MYO7A: variants seen among roughly 807,000 people sequenced by gnomAD.
The protein encoded by MYO7A is unconventional myosin-VIIa.
MYO7A carries 210 observed loss-of-function variants against 263.8 expected under a neutral mutation model. The observed-to-expected ratio is 0.80, with a 90% CI of 0.71 to 0.89. The LOEUF is 0.89. Ranked by LOEUF, MYO7A falls within the 40% of genes least tolerant of loss-of-function variation. MYO7A has a pLI of 0.00. For missense variants in MYO7A, 2,820 were observed against 2,968.3 expected (o/e 0.95, Z 1.16); for synonymous variants, 1,239 against 1,197.3 (o/e 1.03, Z -0.72).
chr11:77,181,291 C>A, intron 22 of MYO7A, 89 bp from the exon 23 acceptor site: 1 of 1,242,578 alleles, frequency 8.0e-7, no homozygotes. Context: ...GCCCTGGCTG[C>A]TGCAGGGGCT....
At chr11:77,151,805 G>A (rs1555057321) in intron 4 of MYO7A, among the ~76,000 whole-genome samples, 1 of 152,234 alleles carries the variant, frequency 6.6e-6, no homozygotes, top group East Asian at 1.9e-4. Context: ...GGGCCTCATT[G>A]CCAGTGGTGG....
rs1565442820 is a variant in MYO7A, at chr11:77,192,980, G to GGTGT, written c.4152+702_4152+703insGTGT. On this transcript the variant is annotated intron_variant, in intron 31 of 48. Coordinates refer to ENST00000409709, the MANE Select transcript of MYO7A (RefSeq NM_000260.4). Reference sequence around the variant, plus strand: ...GGTGTTGGTGATGGTGGAGGTAGTTGTGATGGTGGAGGTAGTGATGCTGTT... The same window carrying GGTGT: ...GGTGTTGGTGATGGTGGAGGTAGTTGGTGTTGATGGTGGAGGTAGTGATGCTGTT... Among the ~76,000 whole-genome samples the GGTGT allele has an allele frequency of 1.3e-4, 4 of 31,034 alleles. 1 individual carries two copies. Among genetic ancestry groups the GGTGT allele is most frequent in the Admixed American group, 1.0e-3 (3 of 2,890 alleles). The allele number at this position is 31,034 out of a possible 152,430, so 20.4% of individuals were successfully genotyped here. A position where few individuals can be genotyped will look rare whatever the true frequency, so the allele number is the denominator to read the frequency against.
At chr11:77,157,611 G>T (rs555175278) in intron 8 of MYO7A, among the ~76,000 whole-genome samples, 11 of 152,286 alleles carry the variant, frequency 7.2e-5, no homozygotes, top group African/African-American at 2.6e-4. Context: ...AGGCTGGCTT[G>T]GGAAGCACCA....
At chr11:77,172,704 G>A (rs1954216090) in intron 15 of MYO7A, 44 bp from the exon 16 acceptor site, 1 of 1,545,628 alleles carries the variant, frequency 6.5e-7, no homozygotes, top group Non-Finnish European at 8.7e-7. Flanking sequence ...GACACTGGAT[G>A]GGGCAGGCAC....
chr11:77,173,489 C>G (rs1333074291), intron 16 of MYO7A, among the ~76,000 whole-genome samples: 1 of 152,206 alleles, frequency 6.6e-6, no homozygotes, highest in African/African-American at 2.4e-5. Flanking sequence ...TCAAACAGCC[C>G]GTGAGAAAGG....
chr11:77,155,972 G>T lies in MYO7A; in HGVS notation c.351G>T (p.Glu117Asp), dbSNP rs886048671. The change falls in exon 5 of 49, where the codon GAG becomes GAT. Residue 117 changes from glutamate (E) to aspartate (D), a missense_variant. Coordinates refer to ENST00000409709, the MANE Select transcript of MYO7A (RefSeq NM_000260.4). ...PYQLLSIYSP[E>D]HIRQYTNKKI... ...AGCTGCTCTCCATCTACTCGCCAGA[G>T]CACATCCGCCAGTATACCAACAAGA... 3.7e-6 allele frequency: 6 copies of T among 1,613,112 alleles called. No homozygotes were observed. In the African/African-American group the frequency reaches 8.0e-5, roughly 22 times the overall value.
In MYO7A at chr11:77,157,000, G is replaced by T; in HGVS notation, c.731G>T (p.Arg244Leu). The change falls in exon 7 of 49, where the codon CGC becomes CTC. Residue 244 changes from arginine to leucine, a missense_variant. Arg to Leu is a moderately radical substitution (Grantham distance 102). Coordinates refer to ENST00000409709, the MANE Select transcript of MYO7A (RefSeq NM_000260.4). ...CTGCTGGAAAAGTCACGTGTCTGTC[G>T]CCAGGTGGGCCTGAGCCCCAGGGAT... The part of the protein sequence containing the change: ...QYLLEKSRVC[R>L]QALDERNYHV... 6.2e-7 allele frequency: 1 copy of T among 1,612,404 alleles called. No homozygotes were observed.
rs1201232357 is a variant in MYO7A, at chr11:77,190,885, A to T, written c.3924+15A>T. ...TGTTTGACAAGGTATGGCCGCCCGG[A>T]AGCACCTCCTCCCGGAAGCACCTCC... On this transcript the variant is annotated intron_variant, in intron 30 of 48. Coordinates refer to ENST00000409709, the MANE Select transcript of MYO7A (RefSeq NM_000260.4). The T allele has an allele frequency of 2.6e-6, 4 of 1,532,770 alleles. No individual in the cohort carries two copies. The highest frequency in any genetic ancestry group is 3.5e-6 in the Non-Finnish European group (4 of 1,134,246). 94.9% of individuals were successfully genotyped at this position (1,532,770 alleles called of 1,614,324 possible). A position where few individuals can be genotyped will look rare whatever the true frequency, so the allele number is the denominator to read the frequency against.
chr11:77,202,481 T>C, intron 37 of MYO7A, 57 bp downstream of exon 37: 9 of 1,529,552 alleles, frequency 5.9e-6, no homozygotes, highest in Non-Finnish European at 7.9e-6. Flanking sequence ...AGGCTTCCGC[T>C]ACTGTCTGGT....
chr11:77,203,347 C>G, intron 38 of MYO7A, 130 bp downstream of exon 38: 1 of 1,050,938 alleles, frequency 9.5e-7, no homozygotes, highest in East Asian at 2.6e-5. Context: ...AGTACCCCCT[C>G]CCTTGCACCT....
rs1168909436 is a variant in MYO7A at position 77,138,131 on chromosome 11, C to T, written c.19-4578C>T. On this transcript the variant is annotated intron_variant, in intron 2 of 48. Transcript: ENST00000409709. This position sits in a 1 kb window ranked among gnomAD's most constrained non-coding sequence, Gnocchi z 4.9. ...GGGGCTGTGGGGGGTTCGGCCGAGA[C>T]GGAGGGGGCCGGGGTGGCGCGGGCG... Among the ~76,000 whole-genome samples, 7 of 152,182 alleles carry T rather than the reference C, an allele frequency of 4.6e-5. No homozygotes were observed. The highest frequency in any genetic ancestry group is 3.3e-4 in the Admixed American group (5 of 15,302).
Position 77,157,004 on chromosome 11 carries a change from G to C in MYO7A, c.735G>C (p.Gln245His). The C allele has an allele frequency of 6.2e-7, 1 of 1,612,468 alleles. No individual in the cohort carries two copies. The highest frequency in any genetic ancestry group is 8.5e-7 in the Non-Finnish European group (1 of 1,179,304). ...YLLEKSRVCRQALDERNYHVF... is the reference protein window; with the variant it reads ...YLLEKSRVCRHALDERNYHVF... The stretch of plus-strand genomic sequence containing the variant: ...TGGAAAAGTCACGTGTCTGTCGCCA[G>C]GTGGGCCTGAGCCCCAGGGATGCAG... The change falls in exon 7 of 49, where the codon CAG becomes CAC. Residue 245 changes from glutamine (Q) to histidine (H), a missense_variant and splice_region_variant. Coordinates refer to ENST00000409709, the MANE Select transcript of MYO7A (RefSeq NM_000260.4).
intron 10 of MYO7A, 51 bp from the exon 11 acceptor site, chr11:77,160,112 G>T: frequency 6.5e-7 from 1 of 1,534,864 alleles, no homozygotes; most frequent in Non-Finnish European, 8.8e-7. Context: ...GGGTGTGGGT[G>T]GAGGGAGGGG....
intron 37 of MYO7A, 35 bp from the exon 38 acceptor site, chr11:77,203,025 A>T: frequency 6.5e-7 from 1 of 1,541,634 alleles, no homozygotes; most frequent in Non-Finnish European, 8.7e-7. Context: ...GCTGCCAGCG[A>T]TGGGGCGTTG....
chr11:77,192,630 C>T (rs1298106583), intron 31 of MYO7A, among the ~76,000 whole-genome samples: 1 of 152,052 alleles, frequency 6.6e-6, no homozygotes, highest in Non-Finnish European at 1.5e-5. Flanking sequence ...TACAGCCATT[C>T]CTTGAGATCA....
intron 5 of MYO7A, among the ~76,000 whole-genome samples, chr11:77,156,334 G>C (rs945465858): frequency 3.9e-5 from 6 of 152,202 alleles, no homozygotes; most frequent in African/African-American, 1.4e-4. Context: ...GTTTACTGCT[G>C]GTTCCTGTTA....
chr11:77,183,259 A>G lies in MYO7A; in HGVS notation c.3375+102A>G, dbSNP rs1452493051. ...GGGGGCCCACGGAAGCAGGAGCAGG[A>G]GTGGACACTGTCTGTCCTCAGGGGT... On this transcript the variant is annotated intron_variant, in intron 26 of 48. Transcript: ENST00000409709. 9.2e-6 allele frequency: 9 copies of G among 975,386 alleles called. No individual in the cohort carries two copies. The East Asian group carries it at 2.4e-4, about 26-fold the overall frequency. The allele number at this position is 975,386 out of a possible 1,614,324, so 60.4% of individuals were successfully genotyped here.
At chr11:77,186,369 A>G (rs1955646395) in intron 27 of MYO7A, among the ~76,000 whole-genome samples, 1 of 152,238 alleles carries the variant, frequency 6.6e-6, no homozygotes, top group South Asian at 2.1e-4. Flanking sequence ...CTCTCTAGCT[A>G]TGAAAGTCCT....
chr11:77,166,407 A>G (rs1953550351), intron 15 of MYO7A, among the ~76,000 whole-genome samples: 1 of 151,870 alleles, frequency 6.6e-6, no homozygotes, highest in Non-Finnish European at 1.5e-5. Flanking sequence ...GAGAGGTCAC[A>G]GAGCAGAACC....
Sources: gnomAD v4.1 joint callset for allele counts (sites outside exome capture counted in the v4.1 genomes callset) on GRCh38, gnomAD v4.1.1 for gene constraint, Gnocchi (gnomAD v3.1) non-coding constraint, MANE v1.5 for transcripts, NCBI Gene and HGNC (gene_info 2026-07-23, HGNC 2026-07-21) for gene names.